TMEM45B: variants seen among roughly 807,000 people sequenced by gnomAD.
TMEM45B encodes transmembrane protein 45B.
TMEM45B carries 29 observed loss-of-function variants against 27.3 expected under a neutral mutation model. The ratio of observed to expected loss-of-function variants is 1.06; its 90% CI spans 0.79 to 1.45. The LOEUF (loss-of-function observed/expected upper bound fraction) is 1.45. TMEM45B is among the 40% of genes most tolerant of loss of function. The pLI is 0.00. For synonymous variants in TMEM45B, 143 were observed against 134.7 expected (o/e 1.06, Z -0.43); for missense variants, 348 against 343.9 (o/e 1.01, Z -0.09).
At chr11:129,838,767 T>A (rs942113016) in intron 1 of TMEM45B, among the ~76,000 whole-genome samples, 2 of 152,156 alleles carry the variant, frequency 1.3e-5, no homozygotes, top group African/African-American at 4.8e-5. Flanking sequence ...TGTTAGAGAG[T>A]GCTGGTTGCC....
At chr11:129,851,043 T>G (rs941615300) in intron 1 of TMEM45B, among the ~76,000 whole-genome samples, 1 of 152,242 alleles carries the variant, frequency 6.6e-6, no homozygotes, top group Non-Finnish European at 1.5e-5. Flanking sequence ...GGGTAATTTA[T>G]AAAGAACAAC....
chr11:129,832,065 CAAA>C (rs57336005), intron 1 of TMEM45B, among the ~76,000 whole-genome samples: 3 of 58,604 alleles, frequency 5.1e-5, no homozygotes, highest in Admixed American at 2.9e-4. Flanking sequence ...GATTCCATCT[CAAA>C]AAAAAAAAAA....
At chr11:129,857,490 C>T in intron 5 of TMEM45B, 32 bp downstream of exon 5, 1 of 1,612,604 alleles carries the variant, frequency 6.2e-7, no homozygotes, top group Non-Finnish European at 8.5e-7. Context: ...AGCTTTTCCT[C>T]CTAACTCTAA....
intron 1 of TMEM45B, among the ~76,000 whole-genome samples, chr11:129,842,964 C>G (rs1387886614): frequency 1.3e-5 from 2 of 152,074 alleles, no homozygotes; most frequent in Non-Finnish European, 2.9e-5. Context: ...AACAAATAAC[C>G]CTATTAAAAA....
At chr11:129,854,192 G>A (rs1947888443) in intron 2 of TMEM45B, among the ~76,000 whole-genome samples, 1 of 152,162 alleles carries the variant, frequency 6.6e-6, no homozygotes, top group Non-Finnish European at 1.5e-5. Context: ...CTCAGATTCT[G>A]CTTTCAGCCT....
In TMEM45B at chr11:129,854,835, T is replaced by C. The variant is rs769751096; in HGVS notation, c.385+19T>C. 6 of 1,608,658 alleles carry C rather than the reference T, an allele frequency of 3.7e-6. No individual in the cohort carries two copies. The highest frequency in any genetic ancestry group is 3.3e-5 in the South Asian group (3 of 91,010). On this transcript the variant is annotated intron_variant, in intron 3 of 5. Coordinates refer to ENST00000281441, the MANE Select transcript of TMEM45B (RefSeq NM_138788.5). The stretch of plus-strand genomic sequence containing the variant: ...ATGGAAGGTAATTTTGTGGAACGGA[T>C]GGAGAGGAAGGAGAGCCTGACAAGT...
chr11:129,852,350 T>G (rs1947859059), intron 1 of TMEM45B, 125 bp from the exon 2 acceptor site: 1 of 820,058 alleles, frequency 1.2e-6, no homozygotes, highest in African/African-American at 1.7e-5. Flanking sequence ...TTTATGAGAA[T>G]GTGTTGATCC....
At chr11:129,819,517 T>G (rs892739026) in intron 1 of TMEM45B, among the ~76,000 whole-genome samples, 6 of 151,602 alleles carry the variant, frequency 4.0e-5, no homozygotes, top group Non-Finnish European at 8.8e-5. Flanking sequence ...AGTCTTGTCT[T>G]GTCTTTTCTT....
chr11:129,825,155 G>A (rs1947463252), intron 1 of TMEM45B, among the ~76,000 whole-genome samples: 1 of 152,160 alleles, frequency 6.6e-6, no homozygotes, highest in Non-Finnish European at 1.5e-5. Context: ...CAGGACTAGA[G>A]GCCTCGCAGT....
intron 1 of TMEM45B, among the ~76,000 whole-genome samples, chr11:129,851,615 T>C (rs889156695): frequency 6.6e-6 from 1 of 150,924 alleles, no homozygotes; most frequent in Non-Finnish European, 1.5e-5. Context: ...AGGGGACACA[T>C]TCAAACCACA....
At chr11:129,843,085 A>G (rs1947714794) in intron 1 of TMEM45B, among the ~76,000 whole-genome samples, 1 of 152,204 alleles carries the variant, frequency 6.6e-6, no homozygotes, top group Non-Finnish European at 1.5e-5. Context: ...AACTACAGGC[A>G]TGCGCCACCA....
chr11:129,854,703 C>G lies in TMEM45B; in HGVS notation c.272C>G (p.Thr91Ser). ...AAGTTAATGAATTGGCAGCACAGCA[C>G]CATGTACCTATTCTTTGCAGTCTCA... ...WIKLMNWQHS[T>S]MYLFFAVSGI... The change falls in exon 3 of 6, where the codon ACC becomes AGC. Residue 91 changes from threonine (T) to serine (S), a missense_variant. Physicochemically the swap from Thr to Ser is moderately conservative, Grantham distance 58. Coordinates refer to ENST00000281441, the MANE Select transcript of TMEM45B (RefSeq NM_138788.5). The G allele has an allele frequency of 6.2e-7, 1 of 1,614,238 alleles. No individual in the cohort carries two copies. The highest frequency in any genetic ancestry group is 8.5e-7 in the Non-Finnish European group (1 of 1,180,042).
chr11:129,834,365 A>G lies in TMEM45B; in HGVS notation c.-8-18110A>G, dbSNP rs544827238. ...AGAATTGCCTGAACCTGAAAGGCAGAAATTGCAGTGAGCTGAGATCACGCC... is the reference window on the plus strand; with the variant it reads ...AGAATTGCCTGAACCTGAAAGGCAGGAATTGCAGTGAGCTGAGATCACGCC... On this transcript the variant is annotated intron_variant, in intron 1 of 5. Coordinates refer to ENST00000281441, the MANE Select transcript of TMEM45B (RefSeq NM_138788.5). 1.2e-4 allele frequency among the ~76,000 whole-genome samples: 18 copies of G among 152,226 alleles called. No individual in the cohort carries two copies. The South Asian group carries it at 3.7e-3, about 32-fold the overall frequency.
intron 1 of TMEM45B, among the ~76,000 whole-genome samples, chr11:129,832,501 C>G (rs2135566504): frequency 6.6e-6 from 1 of 152,132 alleles, no homozygotes; most frequent in South Asian, 2.1e-4. Flanking sequence ...TTAGGCAAAT[C>G]CACAGAGACG....
At position 129,853,253 on chromosome 11, in the gene TMEM45B, G is replaced by A. The variant is rs150211082; in HGVS notation, c.178+593G>A. On this transcript the variant is annotated intron_variant, in intron 2 of 5. Transcript: ENST00000281441. ...CCACTGTTTCCTTCGCATCCACTCC[G>A]CTCCACTGCGGCCCTCCAGGAACAA... 7.6e-4 allele frequency among the ~76,000 whole-genome samples: 116 copies of A among 152,254 alleles called. 1 individual carries two copies. Among genetic ancestry groups the A allele is most frequent in the African/African-American group, 2.4e-3 (101 of 41,550 alleles).
chr11:129,859,189 T>C lies in TMEM45B; in HGVS notation c.*504T>C, dbSNP rs1056931636. On this transcript the variant is annotated 3_prime_UTR_variant, in exon 6 of 6. Coordinates refer to ENST00000281441, the MANE Select transcript of TMEM45B (RefSeq NM_138788.5). ...ACTTACATATTTTTTGAAAGTAAAA[T>C]AATTCACAAGCTTTGGTATTTTAAA... The C allele has an allele frequency of 6.6e-6, 1 of 152,288 alleles. No individual in the cohort carries two copies. Among genetic ancestry groups the C allele is most frequent in the East Asian group, 1.9e-4 (1 of 5,202 alleles). The allele number at this position is 152,288 out of a possible 1,614,324, so 9.4% of individuals were successfully genotyped here. A position where few individuals can be genotyped will look rare whatever the true frequency, so the allele number is the denominator to read the frequency against.
chr11:129,845,665 A>G (rs1947751994), intron 1 of TMEM45B, among the ~76,000 whole-genome samples: 1 of 152,212 alleles, frequency 6.6e-6, no homozygotes, highest in Non-Finnish European at 1.5e-5. Flanking sequence ...ACAACTATAA[A>G]TATAACCACA....
At chr11:129,856,747 G>T (rs1162816126) in intron 4 of TMEM45B, among the ~76,000 whole-genome samples, 1 of 151,072 alleles carries the variant, frequency 6.6e-6, no homozygotes, top group East Asian at 2.0e-4. Context: ...TTTTAGTAGA[G>T]ATGGGGTTTC....
intron 1 of TMEM45B, among the ~76,000 whole-genome samples, chr11:129,837,783 T>C (rs1243476667): frequency 6.5e-5 from 9 of 138,180 alleles, no homozygotes; most frequent in Non-Finnish European, 1.1e-4. Context: ...GTTTCTTTTT[T>C]TTTTTTTTTT....
Sources: gnomAD v4.1 joint callset for allele counts (sites outside exome capture counted in the v4.1 genomes callset) on GRCh38, gnomAD v4.1.1 for gene constraint, MANE v1.5 for transcripts, NCBI Gene and HGNC (gene_info 2026-07-23, HGNC 2026-07-21) for gene names.